Variants in EXOC4 observed in about 807,000 individuals in gnomAD.
EXOC4 encodes the protein exocyst complex component 4.
EXOC4 carries 71 observed loss-of-function variants against 107.2 expected under a neutral mutation model. That is an observed-to-expected ratio of 0.66 (90% CI 0.55 to 0.81). The LOEUF is 0.81. Ranked by LOEUF, EXOC4 falls within the 30% of genes least tolerant of loss-of-function variation. EXOC4 has a pLI of 0.00. For synonymous variants in EXOC4, 456 were observed against 441.2 expected (o/e 1.03, Z -0.42); for missense variants, 1,108 against 1,189.6 (o/e 0.93, Z 1.01).
intron 11 of EXOC4, among the ~76,000 whole-genome samples, chr7:133,860,904 A>T (rs371204644): frequency 6.6e-6 from 1 of 152,164 alleles, no homozygotes; most frequent in East Asian, 1.9e-4. Context: ...TAATCCAAGC[A>T]CTTAAGCCAA....
intron 5 of EXOC4, among the ~76,000 whole-genome samples, chr7:133,353,983 ATC>A (rs1795968690): frequency 6.6e-6 from 1 of 151,146 alleles, no homozygotes; most frequent in African/African-American, 2.4e-5. Flanking sequence ...TAGTTCTTAT[ATC>A]TCTTTATTGA....
intron 1 of EXOC4, among the ~76,000 whole-genome samples, chr7:133,254,250 G>C (rs1216864032): frequency 1.3e-5 from 2 of 152,130 alleles, no homozygotes; most frequent in African/African-American, 2.4e-5. Context: ...TATTTAGGAG[G>C]CTTTAAGATT....
At chr7:133,267,264 A>C (rs1380540782) in intron 1 of EXOC4, among the ~76,000 whole-genome samples, 1 of 152,114 alleles carries the variant, frequency 6.6e-6, no homozygotes, top group African/African-American at 2.4e-5. Context: ...TTCATAGAAC[A>C]CTCAGAGTAA....
chr7:133,281,464 CAACAAA>C (rs1794140374), intron 2 of EXOC4, among the ~76,000 whole-genome samples: 2 of 150,576 alleles, frequency 1.3e-5, no homozygotes, highest in South Asian at 4.2e-4. Context: ...CAACAAAATT[CAACAAA>C]AACAAAGAAG....
chr7:133,882,748 G>A (rs866017443), intron 11 of EXOC4, among the ~76,000 whole-genome samples: 1 of 152,120 alleles, frequency 6.6e-6, no homozygotes, highest in South Asian at 2.1e-4. Flanking sequence ...ATTGAAAGAA[G>A]CCCCAGGTAG....
At chr7:133,967,285 AT>A (rs59944932) in intron 14 of EXOC4, among the ~76,000 whole-genome samples, 105,614 of 151,094 alleles carry the variant, frequency 0.7, 37,223 homozygotes, top group East Asian at 0.91. Context: ...GGATTCACTG[AT>A]TTTTTTTTTG....
chr7:133,598,439 A>T (rs1414026825), intron 9 of EXOC4, among the ~76,000 whole-genome samples: 1 of 152,236 alleles, frequency 6.6e-6, no homozygotes. Context: ...CCTGTCTGGC[A>T]TAGCAGCCAC....
At chr7:134,016,867 C>T (rs926909453) in intron 17 of EXOC4, among the ~76,000 whole-genome samples, 2 of 152,174 alleles carry the variant, frequency 1.3e-5, no homozygotes, top group African/African-American at 4.8e-5. Flanking sequence ...CATGCTGCCA[C>T]CTACTGGAAC....
At chr7:133,522,847 T>C (rs1427685516) in intron 9 of EXOC4, among the ~76,000 whole-genome samples, 1 of 152,164 alleles carries the variant, frequency 6.6e-6, no homozygotes, top group Non-Finnish European at 1.5e-5. Context: ...TAGAATGAAA[T>C]GGGAGCCTAC....
Position 133,948,158 on chromosome 7 carries a change from C to T in EXOC4, c.2206+10089C>T, listed in dbSNP as rs116468939. ...CAGAACCACGAGTTCCAATGAGGAG[C>T]AGTGGAAGATTGTACCTGAAGGCGC... is the stretch of plus-strand genomic sequence containing the variant. On this transcript the variant is annotated intron_variant, in intron 14 of 17. Transcript: ENST00000253861. Among the ~76,000 whole-genome samples the T allele has an allele frequency of 5.4e-3, 824 of 152,274 alleles. 9 individuals are homozygous for T. The highest frequency in any genetic ancestry group is 0.019 in the African/African-American group (771 of 41,552).
chr7:133,924,637 A>G (rs1039286278), intron 13 of EXOC4, among the ~76,000 whole-genome samples: 3 of 152,222 alleles, frequency 2.0e-5, no homozygotes, highest in Admixed American at 1.3e-4. Context: ...TTAAGTGTAT[A>G]ACTAAATGTA....
rs142479649 is a variant in EXOC4 at position 133,294,543 on chromosome 7, A to G, written c.471+5427A>G. ...AATCATTTTGTCTGTCTTTATTTATATGCCTTTTAAAAAGAATCCATAGCT... is the reference window on the plus strand; with the variant it reads ...AATCATTTTGTCTGTCTTTATTTATGTGCCTTTTAAAAAGAATCCATAGCT... On this transcript the variant is annotated intron_variant, in intron 3 of 17. Transcript: ENST00000253861. Among the ~76,000 whole-genome samples, 179 of 152,200 alleles carry G rather than the reference A, an allele frequency of 1.2e-3. 4 individuals are homozygous for G. The East Asian group carries it at 0.028, about 24-fold the overall frequency.
intron 13 of EXOC4, among the ~76,000 whole-genome samples, chr7:133,918,760 A>G (rs2116641191): frequency 6.6e-6 from 1 of 152,354 alleles, no homozygotes; most frequent in Non-Finnish European, 1.5e-5. Flanking sequence ...TGTAAAGTAG[A>G]AAAACAATGG....
intron 14 of EXOC4, among the ~76,000 whole-genome samples, chr7:133,969,195 C>T (rs957608436): frequency 9.9e-5 from 15 of 152,136 alleles, no homozygotes; most frequent in African/African-American, 3.6e-4. Context: ...TCCATCAGGT[C>T]GTTTCTGTTC....
At chr7:134,037,102 A>G (rs1266625446) in intron 17 of EXOC4, among the ~76,000 whole-genome samples, 1 of 152,196 alleles carries the variant, frequency 6.6e-6, no homozygotes, top group Non-Finnish European at 1.5e-5. Context: ...GAGTCAAATT[A>G]GGGGGCAAGG....
rs114126747 is a variant in EXOC4 at position 133,419,117 on chromosome 7, T to C, written c.1182+44115T>C. Among the ~76,000 whole-genome samples the C allele has an allele frequency of 4.5e-3, 678 of 152,256 alleles. 4 individuals carry two copies. The highest frequency in any genetic ancestry group is 0.016 in the African/African-American group (651 of 41,548). On this transcript the variant is annotated intron_variant, in intron 7 of 17. Transcript: ENST00000253861. ...CTGTTATTTCAAGAGGCTGGGTGTG[T>C]AGGCAGAATTAAAGAAGGTAGAAGT...
chr7:133,358,413 A>G (rs1563033835), intron 6 of EXOC4, among the ~76,000 whole-genome samples: 2 of 152,202 alleles, frequency 1.3e-5, no homozygotes, highest in African/African-American at 4.8e-5. Flanking sequence ...GCCTGCTTGT[A>G]TAAAATGCGT....
chr7:133,744,075 A>C (rs1389932725), intron 10 of EXOC4, among the ~76,000 whole-genome samples: 1 of 151,926 alleles, frequency 6.6e-6, no homozygotes, highest in African/African-American at 2.4e-5. Context: ...TACCAACATC[A>C]TTTCATTCAT....
intron 10 of EXOC4, among the ~76,000 whole-genome samples, chr7:133,709,791 T>C (rs1794846752): frequency 1.3e-5 from 2 of 152,182 alleles, no homozygotes; most frequent in Admixed American, 1.3e-4. Context: ...TGTCTCAGTT[T>C]CCTCCTCTAT....
Sources: gnomAD v4.1 joint callset for allele counts (sites outside exome capture counted in the v4.1 genomes callset) on GRCh38, gnomAD v4.1.1 for gene constraint, MANE v1.5 for transcripts, NCBI Gene and HGNC (gene_info 2026-07-23, HGNC 2026-07-21) for gene names.